The following ZBTB20 variants were observed in gnomAD, a reference collection of about 807,000 sequenced individuals.
The protein encoded by ZBTB20 is zinc finger and BTB domain containing 20.
ZBTB20 carries 9 observed loss-of-function variants against 56.9 expected under a neutral mutation model. That is an observed-to-expected ratio of 0.16 (90% CI 0.10 to 0.28). The LOEUF (loss-of-function observed/expected upper bound fraction) is 0.28, where lower values mean the gene tolerates loss of function less well. Ranked by LOEUF, ZBTB20 falls within the 10% of genes least tolerant of loss-of-function variation. The pLI, the probability that ZBTB20 is intolerant of heterozygous loss-of-function variation, is 1.00. For synonymous variants in ZBTB20, 417 were observed against 420.7 expected, an observed-to-expected ratio of 0.99 and a Z score of 0.11; for missense variants, 655 against 1,003.0, an observed-to-expected ratio of 0.65 and a Z score of 4.69.
At chr3:114,653,370 T>A (rs2060229206) in intron 6 of ZBTB20, among the ~76,000 whole-genome samples, 1 of 151,984 alleles carries the variant, frequency 6.6e-6, no homozygotes, top group South Asian at 2.1e-4. Context: ...AATTGCTTTT[T>A]CTGCATCTAT....
Position 114,316,277 on chromosome 3 carries a change from C to T in ZBTB20, c.*22728G>A. 1 of 334,832 alleles carries T rather than the reference C, an allele frequency of 3.0e-6. No individual in the cohort carries two copies. Among genetic ancestry groups the T allele is most frequent in the Non-Finnish European group, 5.6e-6 (1 of 178,834 alleles). The allele number at this position is 334,832 out of a possible 1,614,324, so 20.7% of individuals were successfully genotyped here. A position where few individuals can be genotyped will look rare whatever the true frequency, so the allele number is the denominator to read the frequency against. On this transcript the variant is annotated 3_prime_UTR_variant, in exon 12 of 12. Transcript: ENST00000675478. The stretch of plus-strand genomic sequence containing the variant: ...TTCACTAACACTGTTCCTTTTTTTC[C>T]TTGTTACAATCCATTCTTTATGAAC...
At chr3:114,445,393 A>T (rs2091207717) in intron 7 of ZBTB20, 1 of 152,140 alleles carries the variant, frequency 6.6e-6, no homozygotes, top group African/African-American at 2.4e-5. Flanking sequence ...CATGACTTCT[A>T]TGTCTCACCC....
intron 2 of ZBTB20, among the ~76,000 whole-genome samples, chr3:115,046,652 T>C (rs756996250): frequency 2.3e-4 from 35 of 152,178 alleles, no homozygotes; most frequent in Admixed American, 4.6e-4. Flanking sequence ...TATGAAGAAA[T>C]AGTTTTTCAT....
chr3:114,478,224 C>T (rs1339448290), intron 7 of ZBTB20, among the ~76,000 whole-genome samples: 1 of 152,276 alleles, frequency 6.6e-6, no homozygotes. Flanking sequence ...CCTCGGCCTC[C>T]CAAAGTGCTG....
At chr3:114,809,060 G>A (rs1279927597) in intron 4 of ZBTB20, among the ~76,000 whole-genome samples, 2 of 145,248 alleles carry the variant, frequency 1.4e-5, no homozygotes, top group Non-Finnish European at 3.0e-5. Context: ...TAATCGTAGT[G>A]TTGTTTTCCT....
At chr3:114,535,213 G>T (rs754128812) in intron 6 of ZBTB20, among the ~76,000 whole-genome samples, 2 of 152,034 alleles carry the variant, frequency 1.3e-5, no homozygotes, top group Non-Finnish European at 2.9e-5. Flanking sequence ...CTGATTTTTT[G>T]AAAAGATTAA....
chr3:114,775,251 A>G (rs2069507358), intron 5 of ZBTB20, among the ~76,000 whole-genome samples: 1 of 152,104 alleles, frequency 6.6e-6, no homozygotes, highest in Non-Finnish European at 1.5e-5. Context: ...CAAAAAAAAT[A>G]TGTTGTATCA....
At chr3:114,401,384 C>CA in intron 7 of ZBTB20, among the ~76,000 whole-genome samples, 1 of 152,124 alleles carries the variant, frequency 6.6e-6, no homozygotes, top group Non-Finnish European at 1.5e-5. Flanking sequence ...CCCAAACCCC[C>CA]AAAACAGAGT....
chr3:114,976,990 T>C (rs2078128542), intron 2 of ZBTB20, among the ~76,000 whole-genome samples: 1 of 151,918 alleles, frequency 6.6e-6, no homozygotes, highest in Non-Finnish European at 1.5e-5. Context: ...CAATTTCACA[T>C]AATATTTCAC....
chr3:114,455,878 C>T (rs2091982557), intron 7 of ZBTB20, among the ~76,000 whole-genome samples: 1 of 151,998 alleles, frequency 6.6e-6, no homozygotes, highest in South Asian at 2.1e-4. Flanking sequence ...GAATACAGAG[C>T]TAGAAAAAGC....
intron 7 of ZBTB20, chr3:114,453,608 A>G (rs2091776904): frequency 6.6e-6 from 1 of 152,168 alleles, no homozygotes; most frequent in African/African-American, 2.4e-5. Flanking sequence ...TAAAGACATG[A>G]TAAGAGAAGA....
chr3:114,827,851 A>T (rs1009508917), intron 4 of ZBTB20, among the ~76,000 whole-genome samples: 2 of 151,650 alleles, frequency 1.3e-5, no homozygotes, highest in African/African-American at 4.8e-5. Context: ...GAATTAAAAG[A>T]TATCTCCAGC....
chr3:114,534,421 T>A (rs2110058472), intron 6 of ZBTB20, among the ~76,000 whole-genome samples: 1 of 152,258 alleles, frequency 6.6e-6, no homozygotes, highest in African/African-American at 2.4e-5. Context: ...AAGGGATCAA[T>A]GCAACAAGAA....
At chr3:114,898,852 A>G (rs1194665830) in intron 4 of ZBTB20, among the ~76,000 whole-genome samples, 2 of 152,184 alleles carry the variant, frequency 1.3e-5, no homozygotes, top group Non-Finnish European at 2.9e-5. Context: ...AAAAGAATAC[A>G]TTAAGGAGAG....
At chr3:114,404,681 C>G (rs1329726219) in intron 7 of ZBTB20, among the ~76,000 whole-genome samples, 1 of 151,446 alleles carries the variant, frequency 6.6e-6, no homozygotes, top group East Asian at 1.9e-4. Flanking sequence ...CCAAGAAGGC[C>G]CAGAGCCTGC....
intron 5 of ZBTB20, among the ~76,000 whole-genome samples, chr3:114,749,069 T>A (rs1167148265): frequency 6.6e-6 from 1 of 152,196 alleles, no homozygotes; most frequent in Non-Finnish European, 1.5e-5. Context: ...GCCTAGTACA[T>A]AAGCCACACA....
intron 6 of ZBTB20, among the ~76,000 whole-genome samples, chr3:114,644,393 TG>T (rs2059726681): frequency 6.6e-6 from 1 of 152,094 alleles, no homozygotes; most frequent in South Asian, 2.1e-4. Flanking sequence ...GAGAGATGTT[TG>T]GAATTTAAGA....
chr3:114,510,383 A>G (rs2045206555), intron 6 of ZBTB20, among the ~76,000 whole-genome samples: 1 of 152,034 alleles, frequency 6.6e-6, no homozygotes. Flanking sequence ...CTGAAGGTTC[A>G]TGGGCTTTCT....
chr3:114,812,936 C>CGGTGGGGCA (rs565350682), intron 4 of ZBTB20, among the ~76,000 whole-genome samples: 1,755 of 152,330 alleles, frequency 0.012, 16 homozygotes, highest in South Asian at 0.041. Flanking sequence ...TGGGGCAGGC[C>CGGTGGGGCA]GGCCGCTCCG....
Sources: gnomAD v4.1 joint callset for allele counts (sites outside exome capture counted in the v4.1 genomes callset) on GRCh38, gnomAD v4.1.1 for gene constraint, MANE v1.5 for transcripts, NCBI Gene and HGNC (gene_info 2026-07-23, HGNC 2026-07-21) for gene names.